Variants in SNTG1 observed in about 807,000 individuals in gnomAD.
SNTG1 encodes syntrophin gamma 1.
Under a neutral mutation model 74.7 loss-of-function variants are expected in SNTG1, and 39 were observed. The observed-to-expected ratio is 0.52, with a 90% CI of 0.40 to 0.68. The LOEUF (loss-of-function observed/expected upper bound fraction) is 0.68. SNTG1 is among the 30% of genes least tolerant of loss of function. The pLI is 0.00. For missense variants in SNTG1, 685 were observed against 609.5 expected, an observed-to-expected ratio of 1.12 and a Z score of -1.30; for synonymous variants, 254 against 217.1, an observed-to-expected ratio of 1.17 and a Z score of -1.49.
At chr8:50,530,090 A>T (rs73585148) in intron 9 of SNTG1, 87 bp from the exon 10 acceptor site, 87,031 of 1,041,502 alleles carry the variant, frequency 0.084, 6,217 homozygotes, top group African/African-American at 0.34. Context: ...GATATTACTG[A>T]GTATCCTTGA....
chr8:49,933,966 C>T (rs532962704), intron 1 of SNTG1, among the ~76,000 whole-genome samples: 2 of 152,194 alleles, frequency 1.3e-5, no homozygotes, highest in East Asian at 1.9e-4. Context: ...GATAAGTAAA[C>T]CTATAATTTA....
At chr8:50,289,907 T>C (rs1387301311) in intron 2 of SNTG1, among the ~76,000 whole-genome samples, 2 of 152,174 alleles carry the variant, frequency 1.3e-5, no homozygotes, top group Non-Finnish European at 2.9e-5. Context: ...GCACGGAATG[T>C]ACACATAGTA....
intron 1 of SNTG1, among the ~76,000 whole-genome samples, chr8:50,144,210 T>G (rs1055932670): frequency 4.6e-5 from 7 of 152,242 alleles, no homozygotes; most frequent in Non-Finnish European, 1.0e-4. Flanking sequence ...TCTTAATGAT[T>G]AAATGACCTA....
At chr8:50,691,813 A>G (rs990517796) in intron 15 of SNTG1, among the ~76,000 whole-genome samples, 3 of 152,052 alleles carry the variant, frequency 2.0e-5, no homozygotes, top group African/African-American at 7.2e-5. Flanking sequence ...TAGATTGGGG[A>G]AGTTCTCCTG....
chr8:50,544,085 T>C (rs529485313), intron 11 of SNTG1, among the ~76,000 whole-genome samples: 1 of 152,268 alleles, frequency 6.6e-6, no homozygotes, highest in Admixed American at 6.5e-5. Context: ...CACACGAGTT[T>C]TTGTGCTGTT....
intron 2 of SNTG1, among the ~76,000 whole-genome samples, chr8:50,174,713 A>T (rs796791693): frequency 5.9e-5 from 9 of 152,186 alleles, no homozygotes; most frequent in African/African-American, 1.9e-4. Flanking sequence ...CATTTTTTAA[A>T]TTTTTTTATT....
intron 9 of SNTG1, among the ~76,000 whole-genome samples, chr8:50,528,063 T>A (rs1320527733): frequency 6.6e-6 from 1 of 152,050 alleles, no homozygotes. Flanking sequence ...CGTTTTTCTA[T>A]ATACACGATT....
At chr8:50,083,069 G>T (rs1822558712) in intron 1 of SNTG1, among the ~76,000 whole-genome samples, 1 of 152,124 alleles carries the variant, frequency 6.6e-6, no homozygotes, top group Non-Finnish European at 1.5e-5. Context: ...TCCAATTTGG[G>T]TTAAACTACT....
chr8:50,491,542 C>G (rs1354207265), intron 8 of SNTG1: 1 of 152,268 alleles, frequency 6.6e-6, no homozygotes, highest in Non-Finnish European at 1.5e-5. Context: ...TATCGCGGAG[C>G]TGGCGGTCAG....
chr8:50,142,693 T>A (rs932864166), intron 1 of SNTG1, among the ~76,000 whole-genome samples: 1 of 152,142 alleles, frequency 6.6e-6, no homozygotes, highest in South Asian at 2.1e-4. Flanking sequence ...ATACAAGTGT[T>A]ACAAGCATAT....
chr8:50,603,525 T>A (rs1211527082), intron 13 of SNTG1, among the ~76,000 whole-genome samples: 1 of 151,908 alleles, frequency 6.6e-6, no homozygotes, highest in Non-Finnish European at 1.5e-5. Flanking sequence ...GTCTTATTTA[T>A]TTTTTTTGGA....
At chr8:49,998,191 A>C (rs1814412761) in intron 1 of SNTG1, among the ~76,000 whole-genome samples, 2 of 152,164 alleles carry the variant, frequency 1.3e-5, no homozygotes, top group South Asian at 4.1e-4. Flanking sequence ...ATATAAGATC[A>C]ATAACGGTAT....
At chr8:49,990,141 C>T (rs1397872995) in intron 1 of SNTG1, among the ~76,000 whole-genome samples, 1 of 151,908 alleles carries the variant, frequency 6.6e-6, no homozygotes, top group African/African-American at 2.4e-5. Flanking sequence ...AGAAATACAA[C>T]TGTCTCTATT....
chr8:50,155,050 G>C (rs1189169794), intron 1 of SNTG1, among the ~76,000 whole-genome samples: 1 of 152,096 alleles, frequency 6.6e-6, no homozygotes, highest in Non-Finnish European at 1.5e-5. Context: ...AAATTCAATT[G>C]AAATAATTTT....
At chr8:50,526,869 G>A (rs561101421) in intron 9 of SNTG1, among the ~76,000 whole-genome samples, 8 of 151,924 alleles carry the variant, frequency 5.3e-5, no homozygotes, top group South Asian at 4.2e-4. Context: ...TGATCATCCC[G>A]CCTCATCCAC....
At chr8:50,459,057 A>G (rs991699562) in intron 8 of SNTG1, among the ~76,000 whole-genome samples, 1 of 152,236 alleles carries the variant, frequency 6.6e-6, no homozygotes, top group Non-Finnish European at 1.5e-5. Context: ...TAACTCTTGT[A>G]TTTATGTCTA....
At chr8:50,030,683 C>A (rs1585970534) in intron 1 of SNTG1, among the ~76,000 whole-genome samples, 1 of 152,018 alleles carries the variant, frequency 6.6e-6, no homozygotes, top group African/African-American at 2.4e-5. Context: ...TTCAAGATTC[C>A]CCATTTTGTT....
In SNTG1 at chr8:50,124,993, A is replaced by G; in HGVS notation, c.-102-47568A>G. The stretch of plus-strand genomic sequence containing the variant: ...CATACCCTCTCATAAATGTTACTAT[A>G]AGATAGTTACTTATCTATGGATAAA... On this transcript the variant is annotated intron_variant, in intron 1 of 18. Coordinates refer to ENST00000642720, the MANE Select transcript of SNTG1 (RefSeq NM_018967.5). Among the ~76,000 whole-genome samples the G allele has an allele frequency of 1.4e-5, 2 of 142,030 alleles. 1 individual carries two copies. The highest frequency in any genetic ancestry group is 3.1e-5 in the Non-Finnish European group (2 of 63,810). The allele number at this position is 142,030 out of a possible 152,430, so 93.2% of individuals were successfully genotyped here.
At chr8:50,010,985 C>A (rs1206041065) in intron 1 of SNTG1, among the ~76,000 whole-genome samples, 1 of 151,772 alleles carries the variant, frequency 6.6e-6, no homozygotes, top group Non-Finnish European at 1.5e-5. Flanking sequence ...AATATATATA[C>A]CACTTGACTT....
Sources: allele counts gnomAD v4.1 joint callset (sites outside exome capture counted in the v4.1 genomes callset), GRCh38; gene constraint gnomAD v4.1.1; transcripts MANE v1.5; gene names NCBI Gene and HGNC (gene_info 2026-07-23, HGNC 2026-07-21).